DRC9: variants seen among roughly 807,000 people sequenced by gnomAD.
DRC9 encodes dynein regulatory complex protein 9.
the DRC9 span, among the ~76,000 whole-genome samples, chr3:197,890,404 C>CA: frequency 0.16 from 20,328 of 123,844 alleles, 1,733 homozygotes; most frequent in African/African-American, 0.27. Context: ...GATGCTGTCT[C>CA]AAAAAAAAAA....
the DRC9 span, among the ~76,000 whole-genome samples, chr3:197,930,234 C>G: frequency 4.0e-5 from 6 of 151,648 alleles, no homozygotes; most frequent in South Asian, 4.2e-4. Flanking sequence ...GGGTCCCCAG[C>G]GACTTGAGGG....
the DRC9 span, chr3:197,913,933 T>C: frequency 3.7e-6 from 6 of 1,614,194 alleles, no homozygotes; most frequent in Non-Finnish European, 5.1e-6. Flanking sequence ...TTTCTGGGTC[T>C]GGGCAATCTG....
the DRC9 span, among the ~76,000 whole-genome samples, chr3:197,929,192 G>C: frequency 1.3e-5 from 2 of 152,220 alleles, no homozygotes; most frequent in African/African-American, 4.8e-5. This position sits in a 1 kb window ranked among gnomAD's most constrained non-coding sequence, Gnocchi z 4.6. Flanking sequence ...AGTTTCCCCA[G>C]CCTTTCCCTG....
the DRC9 span, among the ~76,000 whole-genome samples, chr3:197,946,366 C>T: frequency 1.0e-4 from 14 of 139,754 alleles, no homozygotes; most frequent in East Asian, 1.4e-3. Flanking sequence ...ACCTGGGAGG[C>T]AGAGCTTGCA....
chr3:197,895,710 C>T, the DRC9 span, among the ~76,000 whole-genome samples: 4 of 152,054 alleles, frequency 2.6e-5, no homozygotes, highest in Non-Finnish European at 5.9e-5. Flanking sequence ...CCGTGGCTCA[C>T]ACTATAATCC....
the DRC9 span, among the ~76,000 whole-genome samples, chr3:197,930,646 C>A: frequency 1.3e-5 from 2 of 151,188 alleles, no homozygotes; most frequent in Admixed American, 1.3e-4. Context: ...AGGCTACTCA[C>A]TTGAGCCTGG....
At chr3:197,940,436 C>G in the DRC9 span, among the ~76,000 whole-genome samples, 1 of 151,872 alleles carries the variant, frequency 6.6e-6, no homozygotes, top group African/African-American at 2.4e-5. Context: ...AAACTTTGGT[C>G]AAATCACTCT....
chr3:197,951,052 GA>G, the DRC9 span: 2 of 1,605,536 alleles, frequency 1.2e-6, no homozygotes, highest in Non-Finnish European at 1.7e-6. Context: ...AAATTGGCAA[GA>G]AAAAACTTAG....
At chr3:197,955,844 A>G in the DRC9 span, 2 of 1,261,240 alleles carry the variant, frequency 1.6e-6, no homozygotes, top group South Asian at 1.2e-5. Context: ...AAAACTTACT[A>G]CCTTAAATTG....
the DRC9 span, among the ~76,000 whole-genome samples, chr3:197,910,000 A>G: frequency 3.8e-4 from 58 of 152,216 alleles, no homozygotes; most frequent in Non-Finnish European, 1.5e-4. Context: ...AAAACAAAAC[A>G]AAACAAAAAA....
At chr3:197,937,148 G>C in the DRC9 span, among the ~76,000 whole-genome samples, 1 of 152,204 alleles carries the variant, frequency 6.6e-6, no homozygotes, top group Non-Finnish European at 1.5e-5. Flanking sequence ...GATTTAGCTA[G>C]TGGTCCTGCG....
At chr3:197,911,414 C>T in the DRC9 span, among the ~76,000 whole-genome samples, 7 of 151,790 alleles carry the variant, frequency 4.6e-5, no homozygotes, top group African/African-American at 1.7e-4. Context: ...GTTCTTTGGG[C>T]AAAGCTTTAA....
At chr3:197,952,746 G>C in the DRC9 span, 1 of 151,472 alleles carries the variant, frequency 6.6e-6, no homozygotes, top group African/African-American at 2.4e-5. Context: ...CACCTGCCTC[G>C]GCCTCCCAGA....
chr3:197,933,923 G>A, the DRC9 span, among the ~76,000 whole-genome samples: 2,661 of 145,562 alleles, frequency 0.018, 35 homozygotes, highest in Non-Finnish European at 0.028. Flanking sequence ...CGACTCTCCC[G>A]CCTTAGCCTC....
chr3:197,907,092 C>T, the DRC9 span, among the ~76,000 whole-genome samples: 1 of 152,150 alleles, frequency 6.6e-6, no homozygotes, highest in Admixed American at 6.5e-5. Flanking sequence ...GATCCCATCA[C>T]CCCACTGATA....
At chr3:197,938,491 C>T in the DRC9 span, 3 of 1,352,566 alleles carry the variant, frequency 2.2e-6, no homozygotes, top group South Asian at 1.2e-5. Context: ...CTGGGCGCCC[C>T]TTCGCTCATC....
the DRC9 span, among the ~76,000 whole-genome samples, chr3:197,923,272 C>A: frequency 6.6e-6 from 1 of 152,108 alleles, no homozygotes; most frequent in Admixed American, 6.6e-5. Context: ...ATGTGTACTA[C>A]CACATCCAGA....
the DRC9 span, chr3:197,956,467 G>A: frequency 6.6e-6 from 1 of 152,230 alleles, no homozygotes; most frequent in Non-Finnish European, 1.5e-5. Context: ...GGTACATGGA[G>A]GTTGGGAATA....
chr3:197,942,258 T>C, the DRC9 span, among the ~76,000 whole-genome samples: 1 of 151,464 alleles, frequency 6.6e-6, no homozygotes, highest in Non-Finnish European at 1.5e-5. Flanking sequence ...AATGAAAGCT[T>C]TAAGAACCCG....
Sources: allele counts gnomAD v4.1 joint callset (sites outside exome capture counted in the v4.1 genomes callset), GRCh38; gene constraint gnomAD v4.1.1; non-coding constraint Gnocchi (gnomAD v3.1); transcripts MANE v1.5; gene names NCBI Gene and HGNC (gene_info 2026-07-23, HGNC 2026-07-21).